Variants in MIPEP observed in about 807,000 individuals in gnomAD.
MIPEP encodes the protein mitochondrial intermediate peptidase.
Under a neutral mutation model 90.3 loss-of-function variants are expected in MIPEP, and 79 were observed. That is an observed-to-expected ratio of 0.87 (90% CI 0.73 to 1.05). MIPEP has a LOEUF of 1.05. Among genes scored for constraint, MIPEP ranks in the 50% least tolerant of loss-of-function variants. The pLI, the probability that MIPEP is intolerant of heterozygous loss-of-function variation, is 0.00. For missense variants in MIPEP, 940 were observed against 905.6 expected (o/e 1.04, Z -0.49); for synonymous variants, 334 against 315.8 (o/e 1.06, Z -0.61).
chr13:23,875,027 A>AACACACACACACACACACAC lies in MIPEP; in HGVS notation c.540-138_540-119dup, dbSNP rs10595689. ...GCCTCACTGCCAAAAGTTTCTTCAA[A>AACACACACACACACACACAC]ACACACACACACACACACACACACA... On this transcript the variant is annotated intron_variant, in intron 4 of 18. Coordinates refer to ENST00000382172, the MANE Select transcript of MIPEP (RefSeq NM_005932.4). 102 of 401,998 alleles carry AACACACACACACACACACAC rather than the reference A, an allele frequency of 2.5e-4. 1 individual carries two copies. Among genetic ancestry groups the AACACACACACACACACACAC allele is most frequent in the African/African-American group, 2.3e-4 (11 of 46,904 alleles). 24.9% of individuals were successfully genotyped at this position (401,998 alleles called of 1,614,324 possible).
chr13:23,733,246 T>C (rs1242960250), intron 18 of MIPEP, among the ~76,000 whole-genome samples: 2 of 151,988 alleles, frequency 1.3e-5, no homozygotes, highest in Admixed American at 1.3e-4. Flanking sequence ...AGCAGGTTTG[T>C]GGAGGAGATG....
chr13:23,794,827 T>A (rs1277694299), intron 16 of MIPEP, among the ~76,000 whole-genome samples: 2 of 152,206 alleles, frequency 1.3e-5, no homozygotes, highest in Non-Finnish European at 2.9e-5. Flanking sequence ...TGAAACCATA[T>A]AAATTTTTAG....
intron 14 of MIPEP, among the ~76,000 whole-genome samples, chr13:23,816,331 G>C (rs964144967): frequency 1.3e-5 from 2 of 151,992 alleles, no homozygotes; most frequent in African/African-American, 4.8e-5. Flanking sequence ...TTGGATGCTT[G>C]GTTTTGTTTT....
intron 10 of MIPEP, among the ~76,000 whole-genome samples, chr13:23,844,758 T>A (rs1869460533): frequency 6.6e-6 from 1 of 152,208 alleles, no homozygotes; most frequent in South Asian, 2.1e-4. Context: ...TAAAAATATT[T>A]ACTGTCTTAT....
At chr13:23,838,411 G>T (rs944570059) in intron 12 of MIPEP, among the ~76,000 whole-genome samples, 1 of 152,096 alleles carries the variant, frequency 6.6e-6, no homozygotes, top group African/African-American at 2.4e-5. Context: ...GCCTCCTAAA[G>T]TTCTGGGATT....
chr13:23,808,789 C>T (rs968624928), intron 15 of MIPEP, among the ~76,000 whole-genome samples: 18 of 152,230 alleles, frequency 1.2e-4, no homozygotes, highest in Admixed American at 7.2e-4. Context: ...TATAGATTCA[C>T]GGTTTTGTCT....
chr13:23,767,287 T>A (rs781319437), intron 16 of MIPEP, among the ~76,000 whole-genome samples: 1 of 152,060 alleles, frequency 6.6e-6, no homozygotes, highest in African/African-American at 2.4e-5. Context: ...CCACTACATT[T>A]GTAGAAATTT....
At chr13:23,794,639 C>T (rs1317274862) in intron 16 of MIPEP, among the ~76,000 whole-genome samples, 1 of 152,080 alleles carries the variant, frequency 6.6e-6, no homozygotes, top group African/African-American at 2.4e-5. Flanking sequence ...TTCCTTATAT[C>T]TAGCTTGTCA....
intron 10 of MIPEP, among the ~76,000 whole-genome samples, chr13:23,850,253 A>G (rs1341795462): frequency 6.6e-6 from 1 of 152,230 alleles, no homozygotes; most frequent in African/African-American, 2.4e-5. Flanking sequence ...TTCTCATGTT[A>G]TAGCTGGGTG....
intron 16 of MIPEP, among the ~76,000 whole-genome samples, chr13:23,799,485 C>A (rs896865851): frequency 6.6e-6 from 1 of 151,992 alleles, no homozygotes; most frequent in South Asian, 2.1e-4. Context: ...CGCCACCACG[C>A]CTGGCTAATT....
chr13:23,831,351 T>C (rs1868726351), intron 14 of MIPEP, among the ~76,000 whole-genome samples: 1 of 111,692 alleles, frequency 9.0e-6, no homozygotes, highest in Non-Finnish European at 1.8e-5. Flanking sequence ...CCAAATGATC[T>C]GGGCGTCGGG....
At chr13:23,749,893 G>A (rs1408209947) in intron 18 of MIPEP, among the ~76,000 whole-genome samples, 2 of 151,864 alleles carry the variant, frequency 1.3e-5, no homozygotes, top group Non-Finnish European at 2.9e-5. Context: ...CCGACCTGAC[G>A]CCCACTTACC....
At chr13:23,787,817 T>G (rs1166804660) in intron 16 of MIPEP, among the ~76,000 whole-genome samples, 2 of 152,172 alleles carry the variant, frequency 1.3e-5, no homozygotes, top group East Asian at 3.9e-4. Context: ...TCTAGGGAAA[T>G]GGATGTTATA....
intron 7 of MIPEP, among the ~76,000 whole-genome samples, chr13:23,865,744 A>G (rs1194748507): frequency 1.3e-5 from 2 of 149,590 alleles, no homozygotes; most frequent in East Asian, 3.9e-4. Flanking sequence ...ATCTCGGCTC[A>G]CTGCAACCTC....
chr13:23,788,692 T>C (rs530495017), intron 16 of MIPEP, among the ~76,000 whole-genome samples: 141 of 152,366 alleles, frequency 9.3e-4, no homozygotes, highest in African/African-American at 3.2e-3. Context: ...CTAGTTTATC[T>C]AGCCATTCCT....
chr13:23,743,116 T>C (rs897134836), intron 18 of MIPEP, among the ~76,000 whole-genome samples: 1 of 152,208 alleles, frequency 6.6e-6, no homozygotes, highest in Admixed American at 6.5e-5. Context: ...TCTAAACAGA[T>C]TTGGGAGTGA....
chr13:23,854,681 T>C lies in MIPEP; in HGVS notation c.1106+4179A>G, dbSNP rs115158118. Reference sequence around the variant, plus strand: ...CTGAGGCAGGCGGATCACTTGAGGCTAGGAATCTGAGATCAGCCTGGCCAA... The same window carrying C: ...CTGAGGCAGGCGGATCACTTGAGGCCAGGAATCTGAGATCAGCCTGGCCAA... On this transcript the variant is annotated intron_variant, in intron 10 of 18. Transcript: ENST00000382172. Among the ~76,000 whole-genome samples, 174 of 151,902 alleles carry C rather than the reference T, an allele frequency of 1.1e-3. 1 individual carries two copies. The highest frequency in any genetic ancestry group is 4.0e-3 in the African/African-American group (164 of 41,426).
At chr13:23,814,385 T>G (rs1566003391) in intron 14 of MIPEP, among the ~76,000 whole-genome samples, 3 of 151,956 alleles carry the variant, frequency 2.0e-5, no homozygotes, top group African/African-American at 7.3e-5. Context: ...GCCTCCCGAG[T>G]AGAGTAGCTG....
At chr13:23,760,356 TATG>T (rs1952529071) in intron 16 of MIPEP, 139 bp from the exon 17 acceptor site, 1 of 1,079,970 alleles carries the variant, frequency 9.3e-7, no homozygotes, top group Non-Finnish European at 1.4e-6. Flanking sequence ...CTACGTCACC[TATG>T]ATATCAATAT....
Sources: gnomAD v4.1 joint callset for allele counts (sites outside exome capture counted in the v4.1 genomes callset) on GRCh38, gnomAD v4.1.1 for gene constraint, MANE v1.5 for transcripts, NCBI Gene and HGNC (gene_info 2026-07-23, HGNC 2026-07-21) for gene names.